Variants in ZNF880 observed in about 807,000 individuals in gnomAD.
ZNF880 encodes zinc finger protein LOC400713.
Under a neutral mutation model 11.8 loss-of-function variants are expected in ZNF880, and 12 were observed. The ratio of observed to expected loss-of-function variants is 1.02; its 90% CI spans 0.65 to 1.65. ZNF880 has a LOEUF of 1.65. Ranked by LOEUF, ZNF880 falls within the 40% of genes most tolerant of loss-of-function variation. The pLI, the probability that ZNF880 is intolerant of heterozygous loss-of-function variation, is 0.00. For missense variants in ZNF880, 601 were observed against 673.9 expected (o/e 0.89, Z 1.20); for synonymous variants, 210 against 232.4 (o/e 0.90, Z 0.88).
chr19:52,369,848 C>A (rs1986303780), upstream of ZNF880: 2 of 1,325,540 alleles, frequency 1.5e-6, no homozygotes, highest in Admixed American at 2.0e-5. Context: ...GAGCTGGGAG[C>A]GAGGCGGAGG....
downstream of ZNF880, among the ~76,000 whole-genome samples, chr19:52,388,282 C>CTTT (rs68179783): frequency 2.8e-4 from 18 of 63,414 alleles, 5 homozygotes; most frequent in African/African-American, 1.1e-3. Context: ...GCAATTTGAA[C>CTTT]TTTTTTTTTT....
At chr19:52,393,835 C>CTTTTT in the ZNF880 span, among the ~76,000 whole-genome samples, 10 of 109,142 alleles carry the variant, frequency 9.2e-5, no homozygotes, top group Admixed American at 1.2e-4. Flanking sequence ...TGCCCCCCCC[C>CTTTTT]TTTTTTTTTT....
In ZNF880 at chr19:52,385,534, T is replaced by C. The variant is rs891871123; in HGVS notation, c.*220T>C. ...ATGACTAGATATCAAAACATACATC[T>C]TGGATGAAACCATACAGATGGATTA... On this transcript the variant is annotated 3_prime_UTR_variant, in exon 4 of 4. Transcript: ENST00000422689. 4 of 568,518 alleles carry C rather than the reference T, an allele frequency of 7.0e-6. No individual in the cohort carries two copies. The highest frequency in any genetic ancestry group is 1.2e-5 in the Non-Finnish European group (4 of 324,060). 35.2% of individuals were successfully genotyped at this position (568,518 alleles called of 1,614,324 possible). A position where few individuals can be genotyped will look rare whatever the true frequency, so the allele number is the denominator to read the frequency against.
rs2093798197 is a variant in ZNF880 at position 52,385,580 on chromosome 19, C to T, written c.*266C>T. On this transcript the variant is annotated 3_prime_UTR_variant, in exon 4 of 4. Coordinates refer to ENST00000422689, the MANE Select transcript of ZNF880 (RefSeq NM_001145434.2). ...GATTATGTATGCTGAGGCTATTATT[C>T]AAGGACCATTACTATGGAACATGAT... 3.0e-6 allele frequency: 1 copy of T among 331,524 alleles called. No individual in the cohort carries two copies. 20.5% of individuals were successfully genotyped at this position (331,524 alleles called of 1,614,324 possible). A position where few individuals can be genotyped will look rare whatever the true frequency, so the allele number is the denominator to read the frequency against.
the ZNF880 span, among the ~76,000 whole-genome samples, chr19:52,394,012 T>C: frequency 7.1e-6 from 1 of 141,380 alleles, no homozygotes; most frequent in African/African-American, 2.8e-5. Context: ...AATTTTTTTG[T>C]ATTTTCTTAG....
chr19:52,373,915 C>A (rs1317257727), intron 2 of ZNF880, among the ~76,000 whole-genome samples: 2 of 151,458 alleles, frequency 1.3e-5, no homozygotes, highest in Admixed American at 6.6e-5. Flanking sequence ...GTGATCCGCC[C>A]ACCTCGGCCT....
At chr19:52,373,373 C>T in intron 2 of ZNF880, 136 bp downstream of exon 2, 1 of 825,444 alleles carries the variant, frequency 1.2e-6, no homozygotes, top group Non-Finnish European at 1.8e-6. Flanking sequence ...AAATGAAAAC[C>T]TCCATAATGC....
the ZNF880 span, chr19:52,392,832 TA>T: frequency 6.1e-4 from 91 of 149,568 alleles, no homozygotes; most frequent in South Asian, 1.7e-3. Flanking sequence ...TATATATATA[TA>T]TTTTTTGAGA....
At chr19:52,387,830 A>G (rs1262120943), downstream of ZNF880, among the ~76,000 whole-genome samples, 3 of 135,710 alleles carry the variant, frequency 2.2e-5, 1 homozygote, top group East Asian at 2.1e-4. Context: ...CTAGTAGTGC[A>G]TGTCTTTTTT....
Position 52,384,756 on chromosome 19 carries a change from G to A in ZNF880, c.1176G>A (p.Lys392=). 9.5e-7 allele frequency: 1 copy of A among 1,055,538 alleles called. No homozygotes were observed. The highest frequency in any genetic ancestry group is 1.2e-6 in the Non-Finnish European group (1 of 821,090). The allele number at this position is 1,055,538 out of a possible 1,614,324, so 65.4% of individuals were successfully genotyped here. A position where few individuals can be genotyped will look rare whatever the true frequency, so the allele number is the denominator to read the frequency against. The change falls in exon 4 of 4, where the codon AAG becomes AAA. Residue 392 remains lysine, a synonymous_variant. Coordinates refer to ENST00000422689, the MANE Select transcript of ZNF880 (RefSeq NM_001145434.2). ...AATGTGGCAAGGTCTTCAGGCACAAGTTTTGTCTAACCAATCATCATAGAA... is the reference window on the plus strand; with the variant it reads ...AATGTGGCAAGGTCTTCAGGCACAAATTTTGTCTAACCAATCATCATAGAA... ...CKECGKVFRH[K]FCLTNHHRMH...
rs1207047901 is a variant in ZNF880, at chr19:52,383,853, C to T, written c.273C>T (p.Ser91=). 3 of 1,532,436 alleles carry T rather than the reference C, an allele frequency of 2.0e-6. No individual in the cohort carries two copies. Among genetic ancestry groups the T allele is most frequent in the Non-Finnish European group, 2.6e-6 (3 of 1,141,434 alleles). The allele number at this position is 1,532,436 out of a possible 1,614,324, so 94.9% of individuals were successfully genotyped here. Residue 91 remains serine, a synonymous_variant, in exon 4 of 4, where the codon AGC becomes AGT. Coordinates refer to ENST00000422689, the MANE Select transcript of ZNF880 (RefSeq NM_001145434.2). ...RECIKGVNAE[S]SSKLGSNAGN... is the part of the protein sequence containing the mutation. ...ACTTTTTTCTTTCTTTTTTAGAGAG[C>T]AGCTCTAAATTGGGAAGCAATGCCG...
chr19:52,370,420 T>C (rs1476655309), intron 1 of ZNF880: 1 of 169,868 alleles, frequency 5.9e-6, no homozygotes, highest in Non-Finnish European at 1.3e-5. Context: ...CATTGGGCTT[T>C]TGCTAACACC....
intron 3 of ZNF880, 143 bp downstream of exon 3, chr19:52,374,570 C>G: frequency 9.9e-7 from 1 of 1,005,860 alleles, no homozygotes; most frequent in Non-Finnish European, 1.5e-6. Context: ...CTCCTGGTCT[C>G]AAGTGATCCT....
downstream of ZNF880, among the ~76,000 whole-genome samples, chr19:52,388,206 T>TG (rs1986941578): frequency 6.6e-6 from 1 of 150,472 alleles, no homozygotes; most frequent in Admixed American, 6.7e-5. Flanking sequence ...TCACATAGAA[T>TG]GGGAGTTTTT....
intron 3 of ZNF880, chr19:52,379,473 G>A: frequency 2.2e-6 from 1 of 447,102 alleles, no homozygotes; most frequent in Non-Finnish European, 4.5e-6. Context: ...TCGGCTCACT[G>A]CAACCTTCGC....
chr19:52,374,157 C>A, intron 2 of ZNF880, 142 bp from the exon 3 acceptor site: 1 of 613,404 alleles, frequency 1.6e-6, no homozygotes, highest in Non-Finnish European at 2.7e-6. Context: ...GCTTCGCCTC[C>A]CAGGTTCACG....
chr19:52,386,483 A>T (rs1448303887), downstream of ZNF880, among the ~76,000 whole-genome samples: 1 of 143,056 alleles, frequency 7.0e-6, no homozygotes, highest in Non-Finnish European at 1.5e-5. Context: ...CATAGCAATC[A>T]CTGTTTAGGC....
At chr19:52,371,665 C>T (rs1217929629) in intron 1 of ZNF880, among the ~76,000 whole-genome samples, 1 of 152,118 alleles carries the variant, frequency 6.6e-6, no homozygotes, top group African/African-American at 2.4e-5. Context: ...CATGAGCCAC[C>T]ACGCCTGGCC....
At chr19:52,369,062 GAA>G (rs76182462), upstream of ZNF880, among the ~76,000 whole-genome samples, 902 of 142,232 alleles carry the variant, frequency 6.3e-3, 12 homozygotes, top group East Asian at 0.072. Flanking sequence ...ATATAAATAT[GAA>G]AAAAAAAAAA....
Sources: allele counts gnomAD v4.1 joint callset (sites outside exome capture counted in the v4.1 genomes callset), GRCh38; gene constraint gnomAD v4.1.1; transcripts MANE v1.5; gene names NCBI Gene and HGNC (gene_info 2026-07-23, HGNC 2026-07-21).